Variants in GPHN observed in about 807,000 individuals in gnomAD.
GPHN encodes gephyrin.
In GPHN, 17 loss-of-function variants were observed where a neutral mutation model predicts 95.5. The ratio of observed to expected loss-of-function variants is 0.18; its 90% CI spans 0.12 to 0.27. GPHN has a LOEUF of 0.27. Among genes scored for constraint, GPHN ranks in the 10% least tolerant of loss-of-function variants. The pLI is 1.00. For synonymous variants in GPHN, 320 were observed against 322.5 expected, an observed-to-expected ratio of 0.99 and a Z score of 0.08; for missense variants, 660 against 978.1, an observed-to-expected ratio of 0.67 and a Z score of 4.34.
chr14:67,061,690 T>A (rs1459403639), intron 11 of GPHN, among the ~76,000 whole-genome samples: 1 of 152,156 alleles, frequency 6.6e-6, no homozygotes, highest in Non-Finnish European at 1.5e-5. Context: ...TATCCTTTTT[T>A]TTTAAGAGAC....
the GPHN span, among the ~76,000 whole-genome samples, chr14:67,256,199 C>G: frequency 2.0e-5 from 3 of 152,108 alleles, no homozygotes; most frequent in Non-Finnish European, 4.4e-5. Context: ...TAGTTGAAAA[C>G]AATATTGTAT....
At chr14:66,923,751 G>T (rs1480083126) in intron 7 of GPHN, among the ~76,000 whole-genome samples, 1 of 151,762 alleles carries the variant, frequency 6.6e-6, no homozygotes, top group Non-Finnish European at 1.5e-5. Flanking sequence ...ATAATTATCA[G>T]ATTTTATGGA....
chr14:67,079,338 G>A (rs774586036), intron 11 of GPHN, among the ~76,000 whole-genome samples: 26 of 151,882 alleles, frequency 1.7e-4, no homozygotes, highest in Admixed American at 4.6e-4. Context: ...ATACTCAGAC[G>A]TGTAGCCATC....
At chr14:66,656,277 T>C (rs2065300214) in intron 1 of GPHN, among the ~76,000 whole-genome samples, 1 of 148,158 alleles carries the variant, frequency 6.7e-6, no homozygotes, top group South Asian at 2.2e-4. Context: ...TTAATAGTTG[T>C]AGGTCTATTC....
chr14:67,563,426 CT>C, the GPHN span, among the ~76,000 whole-genome samples: 1 of 148,558 alleles, frequency 6.7e-6, no homozygotes, highest in East Asian at 2.0e-4. Flanking sequence ...TTTTTCTTTT[CT>C]TTTTTTTGGG....
chr14:66,657,074 A>G (rs762701704), intron 1 of GPHN, among the ~76,000 whole-genome samples: 5 of 152,346 alleles, frequency 3.3e-5, no homozygotes, highest in Middle Eastern at 3.4e-3. Context: ...GAAAAAAGGT[A>G]AAAGTGCTGT....
chr14:66,546,769 AGGGAGAGGGAGACCGTG>A (rs1232996504), intron 1 of GPHN, among the ~76,000 whole-genome samples: 1 of 77,964 alleles, frequency 1.3e-5, no homozygotes, highest in East Asian at 4.4e-4. Context: ...GTGGAAAGAG[AGGGAGAGGGAGACCGTG>A]GGGAGAGGGA....
the GPHN span, among the ~76,000 whole-genome samples, chr14:67,389,926 T>G: frequency 1.5e-4 from 23 of 152,200 alleles, no homozygotes; most frequent in African/African-American, 5.3e-4. Context: ...TTTTGGAGGC[T>G]CCTCCTGCCA....
chr14:67,111,753 C>A, intron 14 of GPHN, 108 bp from the exon 15 acceptor site: 1 of 824,702 alleles, frequency 1.2e-6, no homozygotes, highest in Non-Finnish European at 2.1e-6. Context: ...TTCTTTTTGT[C>A]TATATTTGTA....
chr14:67,430,162 C>G, the GPHN span, among the ~76,000 whole-genome samples: 1 of 152,276 alleles, frequency 6.6e-6, no homozygotes, highest in South Asian at 2.1e-4. Flanking sequence ...GGAGACAGGC[C>G]ACAATCACAC....
chr14:66,850,716 A>T (rs2062545821), intron 4 of GPHN, among the ~76,000 whole-genome samples: 1 of 152,058 alleles, frequency 6.6e-6, no homozygotes, highest in Non-Finnish European at 1.5e-5. Flanking sequence ...TCTGACCCAA[A>T]ATGTTAATGC....
At chr14:67,300,119 C>T in the GPHN span, among the ~76,000 whole-genome samples, 3 of 152,110 alleles carry the variant, frequency 2.0e-5, no homozygotes, top group Non-Finnish European at 4.4e-5. Flanking sequence ...CCTGTTTATA[C>T]ATATGGAACT....
chr14:67,566,965 G>C, the GPHN span, among the ~76,000 whole-genome samples: 2 of 152,160 alleles, frequency 1.3e-5, no homozygotes, highest in East Asian at 3.8e-4. Context: ...TTAAGGGGCA[G>C]CGTCAGGTCT....
the GPHN span, among the ~76,000 whole-genome samples, chr14:67,563,633 A>G: frequency 2.0e-5 from 3 of 149,574 alleles, no homozygotes; most frequent in African/African-American, 7.4e-5. Flanking sequence ...GGGTTTCACC[A>G]TGTTGGTCAG....
At chr14:67,639,848 C>T in the GPHN span, among the ~76,000 whole-genome samples, 1 of 149,858 alleles carries the variant, frequency 6.7e-6, no homozygotes, top group African/African-American at 2.5e-5. Context: ...TTGCTTGAAT[C>T]CAGGAAGTGG....
At chr14:67,439,554 T>TTTCTTTCTTTCTTTC in the GPHN span, among the ~76,000 whole-genome samples, 1 of 72,636 alleles carries the variant, frequency 1.4e-5, no homozygotes, top group Non-Finnish European at 2.7e-5. Context: ...TCTTTCTTTC[T>TTTCTTTCTTTCTTTC]TTCTTTCTTT....
intron 8 of GPHN, among the ~76,000 whole-genome samples, chr14:66,954,398 T>A (rs1177687984): frequency 6.6e-6 from 1 of 152,234 alleles, no homozygotes; most frequent in Non-Finnish European, 1.5e-5. Flanking sequence ...CTATTGTAAA[T>A]GGACTTGTTT....
the GPHN span, among the ~76,000 whole-genome samples, chr14:67,687,051 A>G: frequency 6.6e-6 from 1 of 152,144 alleles, no homozygotes; most frequent in African/African-American, 2.4e-5. Flanking sequence ...GACATGCCCA[A>G]TCAGGCAAAA....
chr14:66,774,947 A>G (rs991750643), intron 2 of GPHN, among the ~76,000 whole-genome samples: 1 of 152,094 alleles, frequency 6.6e-6, no homozygotes, highest in Non-Finnish European at 1.5e-5. Context: ...CAGATACTAC[A>G]CCTTTGCTTT....
Sources: allele counts gnomAD v4.1 joint callset (sites outside exome capture counted in the v4.1 genomes callset), GRCh38; gene constraint gnomAD v4.1.1; transcripts MANE v1.5; gene names NCBI Gene and HGNC (gene_info 2026-07-23, HGNC 2026-07-21).